Variants in DCDC1 observed in about 807,000 individuals in gnomAD.
DCDC1 encodes doublecortin domain-containing protein 1.
A neutral mutation model predicts 178.3 loss-of-function variants in DCDC1; 200 were observed. That is an observed-to-expected ratio of 1.12 (90% CI 1.00 to 1.26). The LOEUF (loss-of-function observed/expected upper bound fraction) is 1.26. Ranked by LOEUF, DCDC1 falls within the 50% of genes most tolerant of loss-of-function variation. The probability of loss-of-function intolerance (pLI) is 0.00; values close to 1 mark genes in which losing one functional copy is unlikely to be tolerated. For missense variants in DCDC1, 1,983 were observed against 1,749.2 expected, an observed-to-expected ratio of 1.13 and a Z score of -2.38; for synonymous variants, 690 against 604.8, an observed-to-expected ratio of 1.14 and a Z score of -2.07.
chr11:30,867,819 A>G (rs1377952399), intron 38 of DCDC1, among the ~76,000 whole-genome samples: 1 of 152,184 alleles, frequency 6.6e-6, no homozygotes. Flanking sequence ...AAAAAATAAA[A>G]TCATATCTTC....
intron 6 of DCDC1, among the ~76,000 whole-genome samples, chr11:31,305,085 G>A (rs1468839909): frequency 6.6e-6 from 1 of 151,912 alleles, no homozygotes; most frequent in Admixed American, 6.6e-5. Context: ...TACATTTTAA[G>A]GTTAAAAAAT....
rs1254165901 is a variant in DCDC1, at chr11:30,899,549, T to C, written c.4757A>G (p.Gln1586Arg). 2 of 1,564,190 alleles carry C rather than the reference T, an allele frequency of 1.3e-6. No individual in the cohort carries two copies. Among genetic ancestry groups the C allele is most frequent in the South Asian group, 1.2e-5 (1 of 80,846 alleles). Residue 1586 changes from glutamine to arginine, a missense_variant, in exon 34 of 39, where the codon CAG becomes CGG. Transcript: ENST00000684477. ...ATATAGTTCATACTGACCTTTTAAC[T>C]GTCTCATTTTGTGTCTCATGGTATC... ...DLDTMRHKMR[Q>R]LKGRRVAACQ... is the part of the protein sequence containing the mutation.
At chr11:30,946,892 C>A (rs563451700) in intron 21 of DCDC1, among the ~76,000 whole-genome samples, 10 of 152,244 alleles carry the variant, frequency 6.6e-5, no homozygotes, top group African/African-American at 2.2e-4. Flanking sequence ...GGGCTCAGGA[C>A]ACATATTCCA....
At chr11:31,269,879 T>A (rs533686722) in intron 7 of DCDC1, among the ~76,000 whole-genome samples, 1 of 152,302 alleles carries the variant, frequency 6.6e-6, no homozygotes, top group South Asian at 2.1e-4. Context: ...AGTTTGCAGC[T>A]CCTGGAATGG....
intron 9 of DCDC1, among the ~76,000 whole-genome samples, chr11:31,215,649 C>T (rs564368534): frequency 6.6e-5 from 10 of 151,922 alleles, no homozygotes; most frequent in South Asian, 4.2e-4. Flanking sequence ...AAAAATTAGC[C>T]GGGCATGGTG....
intron 8 of DCDC1, among the ~76,000 whole-genome samples, chr11:31,251,908 C>T (rs1944065167): frequency 6.6e-6 from 1 of 151,908 alleles, no homozygotes; most frequent in African/African-American, 2.4e-5. Context: ...TGGAAGGAGC[C>T]AGTAATACTA....
At chr11:30,980,770 T>C (rs966276283) in intron 20 of DCDC1, among the ~76,000 whole-genome samples, 2 of 152,126 alleles carry the variant, frequency 1.3e-5, no homozygotes, top group African/African-American at 4.8e-5. Flanking sequence ...ATTCTGATAA[T>C]GATAAACTCT....
intron 8 of DCDC1, among the ~76,000 whole-genome samples, chr11:31,242,039 G>A (rs1977213446): frequency 6.6e-6 from 1 of 151,814 alleles, no homozygotes; most frequent in African/African-American, 2.4e-5. Flanking sequence ...CTAAAACATC[G>A]CATCTGGAAA....
chr11:31,140,242 T>A (rs1963650376), intron 9 of DCDC1, among the ~76,000 whole-genome samples: 1 of 152,212 alleles, frequency 6.6e-6, no homozygotes. Flanking sequence ...GGGTTTGATA[T>A]TTCTGAGGTT....
intron 9 of DCDC1, among the ~76,000 whole-genome samples, chr11:31,219,089 A>C (rs1310707845): frequency 1.3e-5 from 2 of 152,068 alleles, no homozygotes; most frequent in Non-Finnish European, 2.9e-5. Context: ...GGTGCTAAAG[A>C]AGCACACACA....
chr11:31,208,372 CT>C (rs1415601987), intron 9 of DCDC1, among the ~76,000 whole-genome samples: 2 of 152,154 alleles, frequency 1.3e-5, no homozygotes, highest in Non-Finnish European at 2.9e-5. Flanking sequence ...ATGGTAGATT[CT>C]TTCAGGACTA....
chr11:30,901,943 T>C (rs1456957939), intron 32 of DCDC1, among the ~76,000 whole-genome samples: 1 of 152,162 alleles, frequency 6.6e-6, no homozygotes, highest in Non-Finnish European at 1.5e-5. Context: ...TTCTAAGTTA[T>C]ATATGTGCGT....
chr11:31,251,030 G>A (rs536078652), intron 8 of DCDC1, among the ~76,000 whole-genome samples: 1 of 152,208 alleles, frequency 6.6e-6, no homozygotes, highest in African/African-American at 2.4e-5. Flanking sequence ...TGGGATTATA[G>A]GTGTGAGCCA....
intron 1 of DCDC1, among the ~76,000 whole-genome samples, chr11:31,345,877 T>C (rs1040405742): frequency 1.3e-5 from 2 of 152,140 alleles, no homozygotes; most frequent in Non-Finnish European, 2.9e-5. Context: ...TAGACTCTAA[T>C]GAAATAATGG....
chr11:31,183,841 C>T (rs1000394771), intron 9 of DCDC1, among the ~76,000 whole-genome samples: 5 of 152,118 alleles, frequency 3.3e-5, no homozygotes, highest in Non-Finnish European at 7.4e-5. Flanking sequence ...GAATCAATAT[C>T]GTGAAAATGG....
intron 20 of DCDC1, among the ~76,000 whole-genome samples, chr11:31,063,325 A>G (rs1215498134): frequency 1.3e-5 from 2 of 152,114 alleles, no homozygotes; most frequent in African/African-American, 2.4e-5. Flanking sequence ...TAGAAATACC[A>G]TTTGACCCAG....
In DCDC1 at chr11:31,306,353, G is replaced by C. The variant is rs1263927271; in HGVS notation, c.470C>G (p.Ala157Gly). ...TTGAGACAATTTCTGCCAATTCCGG[G>C]CTGACTGAAATTTTAAAGAAGAGAA... ...AEFSSLKFQSARNWQKLSQRH... is the reference protein window; with the variant it reads ...AEFSSLKFQSGRNWQKLSQRH... The change falls in exon 5 of 39, where the codon GCC (alanine) becomes GGC (glycine). Residue 157 changes from alanine to glycine, a missense_variant. Physicochemically the swap from Ala to Gly is moderately conservative, Grantham distance 60. Coordinates refer to ENST00000684477, the MANE Select transcript of DCDC1 (RefSeq NM_001387274.1). 4 of 1,608,018 alleles carry C rather than the reference G, an allele frequency of 2.5e-6. No homozygotes were observed. In the South Asian group the frequency reaches 4.4e-5, roughly 18 times the overall value.
rs142815141 is a variant in DCDC1, at chr11:31,044,881, G to T, written c.2591+19588C>A. On this transcript the variant is annotated intron_variant, in intron 20 of 38. Coordinates refer to ENST00000684477, the MANE Select transcript of DCDC1 (RefSeq NM_001387274.1). ...TTGTGGTACCTTGTTACCCAGCAAT[G>T]ATAGCTAATACAGGCAGTTATTGCT... Among the ~76,000 whole-genome samples, 36 of 152,310 alleles carry T rather than the reference G, an allele frequency of 2.4e-4. No individual in the cohort carries two copies. The East Asian group carries it at 7.0e-3, about 29-fold the overall frequency.
At chr11:31,278,957 G>A (rs1946202911) in intron 7 of DCDC1, among the ~76,000 whole-genome samples, 1 of 152,006 alleles carries the variant, frequency 6.6e-6, no homozygotes, top group African/African-American at 2.4e-5. Flanking sequence ...GTATATTTTA[G>A]AAATATCTTG....
Sources: allele counts gnomAD v4.1 joint callset (sites outside exome capture counted in the v4.1 genomes callset), GRCh38; gene constraint gnomAD v4.1.1; transcripts MANE v1.5; gene names NCBI Gene and HGNC (gene_info 2026-07-23, HGNC 2026-07-21).